TFAP2D: variants seen among roughly 807,000 people sequenced by gnomAD.
The protein encoded by TFAP2D is transcription factor AP-2 delta, also known as transcription factor AP-2-delta.
A neutral mutation model predicts 43.6 loss-of-function variants in TFAP2D; 9 were observed. The observed-to-expected ratio is 0.21, with a 90% CI of 0.12 to 0.36. The LOEUF is 0.36. Ranked by LOEUF, TFAP2D falls within the 10% of genes least tolerant of loss-of-function variation. TFAP2D has a pLI of 1.00. For missense variants in TFAP2D, 513 were observed against 561.4 expected (o/e 0.91, Z 0.87); for synonymous variants, 256 against 224.9 (o/e 1.14, Z -1.24).
chr6:50,715,055 T>C, intron 1 of TFAP2D, 61 bp from the exon 2 acceptor site: 1 of 1,565,944 alleles, frequency 6.4e-7, no homozygotes, highest in South Asian at 1.2e-5. Flanking sequence ...AGCGGCGCCT[T>C]GGTTGCAAAA....
At chr6:50,772,092 G>C (rs950037940) in intron 7 of TFAP2D, among the ~76,000 whole-genome samples, 6 of 152,104 alleles carry the variant, frequency 3.9e-5, no homozygotes, top group Non-Finnish European at 8.8e-5. Flanking sequence ...GTCCTTTCTA[G>C]GGACATGGAT....
At chr6:50,751,080 T>G in intron 6 of TFAP2D, 131 bp from the exon 7 acceptor site, 1 of 630,842 alleles carries the variant, frequency 1.6e-6, no homozygotes, top group South Asian at 2.0e-5. Flanking sequence ...AATGGAACTT[T>G]TGAGGTTGCT....
intron 6 of TFAP2D, among the ~76,000 whole-genome samples, chr6:50,746,457 C>G (rs144070083): frequency 0.013 from 2,040 of 152,124 alleles, 51 homozygotes; most frequent in African/African-American, 0.046. Flanking sequence ...AGGCTGGTCT[C>G]AAACTCCTGG....
chr6:50,720,196 T>C (rs1441381542), intron 3 of TFAP2D, among the ~76,000 whole-genome samples: 2 of 152,182 alleles, frequency 1.3e-5, no homozygotes, highest in Non-Finnish European at 2.9e-5. Flanking sequence ...TCTCTTCTGA[T>C]GGGACCAAAT....
chr6:50,738,099 ATT>A (rs888892148), intron 5 of TFAP2D, among the ~76,000 whole-genome samples: 3 of 152,092 alleles, frequency 2.0e-5, no homozygotes, highest in Non-Finnish European at 2.9e-5. Flanking sequence ...GAGGCTATCA[ATT>A]TTTTTATCAT....
intron 5 of TFAP2D, among the ~76,000 whole-genome samples, chr6:50,731,665 A>G (rs1242998903): frequency 1.3e-5 from 2 of 152,094 alleles, no homozygotes; most frequent in Non-Finnish European, 2.9e-5. Flanking sequence ...TTTGACATAC[A>G]AGGACATTAT....
intron 7 of TFAP2D, among the ~76,000 whole-genome samples, chr6:50,762,742 TC>T (rs1257100886): frequency 6.6e-6 from 1 of 152,116 alleles, no homozygotes; most frequent in African/African-American, 2.4e-5. Flanking sequence ...GTCTGAGTTT[TC>T]TCAGCAGGTG....
At chr6:50,737,964 A>T (rs1318504694) in intron 5 of TFAP2D, among the ~76,000 whole-genome samples, 1 of 152,128 alleles carries the variant, frequency 6.6e-6, no homozygotes, top group African/African-American at 2.4e-5. Flanking sequence ...AATGATTTGC[A>T]TTTATAGTTT....
intron 5 of TFAP2D, among the ~76,000 whole-genome samples, chr6:50,740,830 A>G (rs1273836444): frequency 6.6e-6 from 1 of 152,206 alleles, no homozygotes; most frequent in African/African-American, 2.4e-5. Context: ...TGCTTCTTAT[A>G]AAACTCAGGA....
chr6:50,736,178 A>G (rs529594642), intron 5 of TFAP2D, among the ~76,000 whole-genome samples: 3 of 152,290 alleles, frequency 2.0e-5, no homozygotes, highest in African/African-American at 7.2e-5. Flanking sequence ...AAAGGTTTTC[A>G]GCTTTCTTCT....
intron 2 of TFAP2D, among the ~76,000 whole-genome samples, chr6:50,717,647 C>T (rs1009547311): frequency 6.6e-6 from 1 of 152,110 alleles, no homozygotes; most frequent in African/African-American, 2.4e-5. Flanking sequence ...ACGTTTATAC[C>T]TTTACATAGA....
intron 7 of TFAP2D, among the ~76,000 whole-genome samples, chr6:50,764,296 G>A (rs1211456498): frequency 6.6e-6 from 1 of 152,072 alleles, no homozygotes; most frequent in Non-Finnish European, 1.5e-5. Context: ...TTTAAAGATT[G>A]AGCTCTGAAA....
chr6:50,772,919 T>G lies in TFAP2D; in HGVS notation c.*55T>G, dbSNP rs1561943800. 6.7e-7 allele frequency: 1 copy of G among 1,488,222 alleles called. No individual in the cohort carries two copies. Among genetic ancestry groups the G allele is most frequent in the Non-Finnish European group, 9.1e-7 (1 of 1,093,162 alleles). The allele number at this position is 1,488,222 out of a possible 1,614,324, so 92.2% of individuals were successfully genotyped here. On this transcript the variant is annotated 3_prime_UTR_variant, in exon 8 of 8. Transcript: ENST00000008391. ...GTCTTGCTGCTGATATTTTTTCTAATATATATATCATTGAGGGTGACTAAT... is the reference window on the plus strand; with the variant it reads ...GTCTTGCTGCTGATATTTTTTCTAAGATATATATCATTGAGGGTGACTAAT...
At chr6:50,750,949 C>G (rs1340659148) in intron 6 of TFAP2D, among the ~76,000 whole-genome samples, 2 of 151,900 alleles carry the variant, frequency 1.3e-5, no homozygotes, top group Non-Finnish European at 2.9e-5. Context: ...GAATAGTCAT[C>G]TTAAAAATAA....
chr6:50,754,177 G>A (rs1261306794), intron 7 of TFAP2D, among the ~76,000 whole-genome samples: 1 of 151,762 alleles, frequency 6.6e-6, no homozygotes. Context: ...TTGTGTTTCT[G>A]TGAATTTAAC....
At chr6:50,716,715 C>T (rs1337994416) in intron 2 of TFAP2D, among the ~76,000 whole-genome samples, 1 of 152,202 alleles carries the variant, frequency 6.6e-6, no homozygotes, top group African/African-American at 2.4e-5. Context: ...GCTAAAAGTG[C>T]AGTTCTACCT....
chr6:50,749,215 T>C (rs1373905668), intron 6 of TFAP2D, among the ~76,000 whole-genome samples: 1 of 151,730 alleles, frequency 6.6e-6, no homozygotes, highest in East Asian at 1.9e-4. Flanking sequence ...TAGATCCTCC[T>C]GTGTGAATTA....
intron 3 of TFAP2D, among the ~76,000 whole-genome samples, chr6:50,723,154 TACAA>T (rs1768756808): frequency 6.6e-6 from 1 of 152,248 alleles, no homozygotes; most frequent in African/African-American, 2.4e-5. Flanking sequence ...TACGCCGCGG[TACAA>T]ACATTGTCAG....
chr6:50,755,790 G>C (rs1581775139), intron 7 of TFAP2D, among the ~76,000 whole-genome samples: 1 of 151,890 alleles, frequency 6.6e-6, no homozygotes, highest in Admixed American at 6.6e-5. Flanking sequence ...TCTACCAAAA[G>C]TTTTAAAATT....
Sources: gnomAD v4.1 joint callset for allele counts (sites outside exome capture counted in the v4.1 genomes callset) on GRCh38, gnomAD v4.1.1 for gene constraint, MANE v1.5 for transcripts, NCBI Gene and HGNC (gene_info 2026-07-23, HGNC 2026-07-21) for gene names.